The following RBM26 variants were observed in gnomAD, a reference collection of about 807,000 sequenced individuals.
The protein encoded by RBM26 is RNA binding motif protein 26.
Under a neutral mutation model 123.6 loss-of-function variants are expected in RBM26, and 30 were observed. The observed-to-expected ratio is 0.24, with a 90% CI of 0.18 to 0.33. RBM26 has a LOEUF of 0.33. Among genes scored for constraint, RBM26 ranks in the 10% least tolerant of loss-of-function variants. The probability of loss-of-function intolerance (pLI) is 1.00; values close to 1 mark genes in which losing one functional copy is unlikely to be tolerated. For missense variants in RBM26, 947 were observed against 1,203.6 expected (o/e 0.79, Z 3.15); for synonymous variants, 400 against 404.4 (o/e 0.99, Z 0.13).
chr13:79,341,091 T>C (rs1179751215), intron 18 of RBM26, 32 bp downstream of exon 18: 1 of 1,299,562 alleles, frequency 7.7e-7, no homozygotes, highest in South Asian at 1.3e-5. Context: ...TTGCTTCTTT[T>C]AAGCCTACTG....
At chr13:79,346,674 C>T (rs1359863609) in intron 14 of RBM26, among the ~76,000 whole-genome samples, 1 of 152,184 alleles carries the variant, frequency 6.6e-6, no homozygotes, top group Non-Finnish European at 1.5e-5. Context: ...CCATACTCGA[C>T]CAATTAAACA....
At chr13:79,382,258 T>C (rs1345109081) in intron 1 of RBM26, among the ~76,000 whole-genome samples, 1 of 152,112 alleles carries the variant, frequency 6.6e-6, no homozygotes, top group East Asian at 1.9e-4. Context: ...ATTATCTCCA[T>C]GGCTAGCAAG....
At chr13:79,345,664 C>G (rs929492267) in intron 14 of RBM26, among the ~76,000 whole-genome samples, 8 of 152,032 alleles carry the variant, frequency 5.3e-5, no homozygotes, top group Non-Finnish European at 1.0e-4. Flanking sequence ...ATGATGGTGT[C>G]TAAAGTCCTT....
downstream of RBM26, chr13:79,314,816 T>C: frequency 2.7e-6 from 1 of 371,742 alleles, no homozygotes; most frequent in East Asian, 8.0e-5. Flanking sequence ...TCAGATGTAC[T>C]CTTAGAGAAC....
chr13:79,347,643 T>C (rs946512810), intron 14 of RBM26, among the ~76,000 whole-genome samples: 5 of 151,794 alleles, frequency 3.3e-5, no homozygotes, highest in African/African-American at 1.2e-4. Flanking sequence ...TATTTACTTC[T>C]ATACATCTTA....
intron 16 of RBM26, among the ~76,000 whole-genome samples, chr13:79,344,032 C>CTTA (rs1385799894): frequency 1.3e-5 from 2 of 151,976 alleles, no homozygotes; most frequent in Non-Finnish European, 2.9e-5. Flanking sequence ...ACTGAATGAA[C>CTTA]ACCTTAATTT....
chr13:79,404,331 T>C (rs2079320484), intron 1 of RBM26, among the ~76,000 whole-genome samples: 1 of 152,202 alleles, frequency 6.6e-6, no homozygotes, highest in Admixed American at 6.5e-5. Flanking sequence ...GAAATGTATT[T>C]GGATCTGCCT....
intron 14 of RBM26, among the ~76,000 whole-genome samples, chr13:79,348,867 G>T (rs951038513): frequency 2.0e-5 from 3 of 152,124 alleles, no homozygotes; most frequent in African/African-American, 7.2e-5. Context: ...TAAATTTCAA[G>T]AACACAAAGT....
In RBM26 at chr13:79,342,698, C is replaced by A. The variant is rs368625408; in HGVS notation, c.2393G>T (p.Arg798Leu). The A allele has an allele frequency of 1.1e-5, 17 of 1,609,114 alleles. No homozygotes were observed. The highest frequency in any genetic ancestry group is 3.4e-5 in the Admixed American group (2 of 59,104). ...KDEVKAASPG[R>L]CLPKSIKTKT... Reference sequence around the variant, plus strand: ...GGTTTTTATACTTTTTGGAAGACAGCGTCCAGGAGAAGCAGCTTTGACCTC... The same window carrying A: ...GGTTTTTATACTTTTTGGAAGACAGAGTCCAGGAGAAGCAGCTTTGACCTC... The change falls in exon 17 of 22, where the codon CGC becomes CTC. Residue 798 changes from arginine to leucine, a missense_variant. This residue lies in a region of RBM26 where 493 missense variants were observed against 563.1 expected (regional missense o/e 0.88). Transcript: ENST00000438737.
chr13:79,328,450 A>T (rs1025503927), intron 20 of RBM26, among the ~76,000 whole-genome samples: 4 of 151,790 alleles, frequency 2.6e-5, no homozygotes, highest in Non-Finnish European at 5.9e-5. Context: ...GTAAATTTTT[A>T]AAAAAATGAA....
chr13:79,378,721 T>A (rs2076848811), intron 2 of RBM26, 68 bp downstream of exon 2: 2 of 965,120 alleles, frequency 2.1e-6, no homozygotes, highest in African/African-American at 3.3e-5. Flanking sequence ...ATTACAGGCG[T>A]GAGCCACCAT....
At chr13:79,338,155 C>T (rs557697769) in intron 18 of RBM26, among the ~76,000 whole-genome samples, 20 of 152,088 alleles carry the variant, frequency 1.3e-4, no homozygotes, top group African/African-American at 3.9e-4. Context: ...GAGGTTGCAG[C>T]GAGCCGAGAT....
Position 79,375,087 on chromosome 13 carries a change from A to AATATATATTTATATATCAT in RBM26, c.327+2291_327+2292insATGATATATAAATATATAT, listed in dbSNP as rs1555332804. 4.1e-4 allele frequency among the ~76,000 whole-genome samples: 38 copies of AATATATATTTATATATCAT among 93,174 alleles called. 1 individual carries two copies. In the South Asian group the frequency reaches 0.011, roughly 27 times the overall value. The allele number at this position is 93,174 out of a possible 152,430, so 61.1% of individuals were successfully genotyped here. A position where few individuals can be genotyped will look rare whatever the true frequency, so the allele number is the denominator to read the frequency against. ...TTTATATATTTATATGATATATATA[A>AATATATATTTATATATCAT]ATATATATTTATATATATCATATAA... On this transcript the variant is annotated intron_variant, in intron 3 of 21. Transcript: ENST00000438737.
chr13:79,329,247 T>A (rs1159888863), intron 20 of RBM26, among the ~76,000 whole-genome samples: 1 of 152,096 alleles, frequency 6.6e-6, no homozygotes, highest in Non-Finnish European at 1.5e-5. Context: ...TATATGTGTA[T>A]GTATTAAAAA....
Position 79,359,649 on chromosome 13 carries a change from CACT to C in RBM26, c.1452_1454del (p.Val485del), listed in dbSNP as rs746556694. 6.3e-7 allele frequency: 1 copy of C among 1,594,034 alleles called. No individual in the cohort carries two copies. Among genetic ancestry groups the C allele is most frequent in the South Asian group, 1.1e-5 (1 of 87,420 alleles). On this transcript the variant is annotated inframe_deletion, in exon 10 of 22. Transcript: ENST00000438737. ...TGGTTCTTTTCCTTGATTCTGAGTC[CACT>C]ACTATCCTCATACTGCTTTTATTGG...
intron 3 of RBM26, among the ~76,000 whole-genome samples, chr13:79,374,552 C>A (rs921913108): frequency 6.6e-6 from 1 of 152,046 alleles, no homozygotes; most frequent in Non-Finnish European, 1.5e-5. Context: ...TATTAACAGA[C>A]CAAACTAGGA....
At chr13:79,380,767 C>T (rs996832499) in intron 1 of RBM26, among the ~76,000 whole-genome samples, 7 of 152,028 alleles carry the variant, frequency 4.6e-5, no homozygotes, top group Admixed American at 3.9e-4. Flanking sequence ...ACCAACCTCT[C>T]CCTATCTCCC....
At chr13:79,372,217 T>C (rs2075963698) in intron 3 of RBM26, among the ~76,000 whole-genome samples, 1 of 152,124 alleles carries the variant, frequency 6.6e-6, no homozygotes, top group African/African-American at 2.4e-5. Flanking sequence ...AGGCAGAGGT[T>C]GCAGTGAGCT....
intron 19 of RBM26, 129 bp downstream of exon 19, chr13:79,336,973 G>A: frequency 3.5e-6 from 3 of 851,142 alleles, no homozygotes; most frequent in Non-Finnish European, 5.4e-6. Flanking sequence ...AAAAATTAAA[G>A]ATTAAACTCT....
Sources: allele counts gnomAD v4.1 joint callset (sites outside exome capture counted in the v4.1 genomes callset), GRCh38; gene constraint gnomAD v4.1.1; regional missense constraint gnomAD v4.1.1; transcripts MANE v1.5; gene names NCBI Gene and HGNC (gene_info 2026-07-23, HGNC 2026-07-21).